The following LOC131768270 variants were observed in gnomAD, a reference collection of about 807,000 sequenced individuals.
chr5:140,565,947 C>T, the LOC131768270 span: 4 of 398,788 alleles, frequency 1.0e-5, no homozygotes, highest in East Asian at 3.6e-5. Flanking sequence ...GTGTAGAAGA[C>T]GAAGTCAACA....
At chr5:140,567,167 G>C in the LOC131768270 span, 39 of 1,614,106 alleles carry the variant, frequency 2.4e-5, no homozygotes, top group Admixed American at 1.8e-4. Context: ...GTCTTGTGTG[G>C]GTATGAGTGT....
At chr5:140,565,883 C>T in the LOC131768270 span, 21 of 398,962 alleles carry the variant, frequency 5.3e-5, no homozygotes, top group East Asian at 7.5e-4. Context: ...GATTCTCTGC[C>T]TAAGCTTAAG....
the LOC131768270 span, chr5:140,564,882 G>T: frequency 2.5e-6 from 1 of 405,644 alleles, no homozygotes. The surrounding 1 kb of genome is among the most constrained non-coding windows in gnomAD (Gnocchi z 5.0). Context: ...GGGGTGATCT[G>T]CAGCCGGGCG....
At chr5:140,567,407 C>A in the LOC131768270 span, 9 of 1,614,038 alleles carry the variant, frequency 5.6e-6, no homozygotes, top group Admixed American at 1.7e-5. Context: ...GCCCCAGGGG[C>A]CCCCACCCTG....
chr5:140,567,088 G>A, the LOC131768270 span: 14 of 1,593,248 alleles, frequency 8.8e-6, no homozygotes, highest in South Asian at 1.1e-5. Context: ...TCTCCTTCCT[G>A]GGAGCTGGCT....
At chr5:140,567,572 C>G in the LOC131768270 span, 2 of 1,614,116 alleles carry the variant, frequency 1.2e-6, no homozygotes, top group Non-Finnish European at 1.7e-6. Flanking sequence ...CCTCTGCCTC[C>G]GGCACCGCCT....
At chr5:140,567,604 G>C in the LOC131768270 span, 8 of 1,613,940 alleles carry the variant, frequency 5.0e-6, no homozygotes, top group African/African-American at 1.3e-5. Flanking sequence ...AGGGGTTAGC[G>C]CTGCTGCTGC....
At chr5:140,567,723 C>T in the LOC131768270 span, 1 of 1,614,194 alleles carries the variant, frequency 6.2e-7, no homozygotes, top group South Asian at 1.1e-5. Context: ...CTGCATATCA[C>T]TCCGCTAGGC....
the LOC131768270 span, chr5:140,566,926 C>T: frequency 3.0e-6 from 2 of 677,672 alleles, no homozygotes; most frequent in African/African-American, 1.8e-5. Flanking sequence ...TCAGCCTGCA[C>T]CCTGGATTCC....
chr5:140,565,824 G>A, the LOC131768270 span: 9 of 398,360 alleles, frequency 2.3e-5, no homozygotes, highest in Admixed American at 2.6e-4. Context: ...AATTGAGCAA[G>A]GGGTGGGGCT....
the LOC131768270 span, chr5:140,567,509 A>G: frequency 6.2e-7 from 1 of 1,614,164 alleles, no homozygotes. Flanking sequence ...GGACCCCAGC[A>G]CCTACCAGGT....
chr5:140,567,809 C>T, the LOC131768270 span: 30 of 1,613,908 alleles, frequency 1.9e-5, no homozygotes, highest in African/African-American at 6.7e-5. Context: ...GAAGCGACAG[C>T]GGCTGCCCCT....
chr5:140,567,122 G>A, the LOC131768270 span: 7 of 1,613,672 alleles, frequency 4.3e-6, no homozygotes, highest in East Asian at 8.9e-5. Context: ...TTCCCCAAAC[G>A]TGTTGCAATC....
At chr5:140,565,938 T>C in the LOC131768270 span, 1 of 398,948 alleles carries the variant, frequency 2.5e-6, no homozygotes, top group Non-Finnish European at 4.4e-6. Context: ...TGCAGCGGCG[T>C]GTAGAAGACG....
the LOC131768270 span, chr5:140,568,444 ATCCTTGTTGGGCAGC>A: frequency 2.3e-6 from 1 of 440,358 alleles, no homozygotes; most frequent in Admixed American, 3.9e-5. Context: ...AAATAACCCC[ATCCTTGTTGGGCAGC>A]TCCCTGCTTT....
chr5:140,567,247 C>G, the LOC131768270 span: 1 of 1,614,224 alleles, frequency 6.2e-7, no homozygotes. Flanking sequence ...TACTCCTATC[C>G]ACTGCCATGT....
the LOC131768270 span, chr5:140,565,947 CG>C: frequency 5.0e-6 from 2 of 398,906 alleles, no homozygotes; most frequent in East Asian, 3.6e-5. Flanking sequence ...GTGTAGAAGA[CG>C]AAGTCAACAG....
At chr5:140,568,030 G>A in the LOC131768270 span, 1 of 1,614,044 alleles carries the variant, frequency 6.2e-7, no homozygotes, top group Non-Finnish European at 8.5e-7. Context: ...CCTGCTCGCT[G>A]GTGGTCAACG....
chr5:140,566,759 C>G, the LOC131768270 span: 7 of 596,090 alleles, frequency 1.2e-5, no homozygotes, highest in Non-Finnish European at 2.1e-5. Context: ...AGGGGCCCGA[C>G]TAGCTCTAGG....
Sources: gnomAD v4.1 joint callset for allele counts on GRCh38, gnomAD v4.1.1 for gene constraint, Gnocchi (gnomAD v3.1) non-coding constraint, MANE v1.5 for transcripts.